GRIK1: variants seen among roughly 807,000 people sequenced by gnomAD.
The protein encoded by GRIK1 is glutamate ionotropic receptor kainate type subunit 1.
Under a neutral mutation model 105.7 loss-of-function variants are expected in GRIK1, and 69 were observed. The ratio of observed to expected loss-of-function variants is 0.65; its 90% CI spans 0.54 to 0.80. GRIK1 has a LOEUF of 0.80. GRIK1 is among the 30% of genes least tolerant of loss of function. The probability of loss-of-function intolerance (pLI) is 0.00; values close to 1 mark genes in which losing one functional copy is unlikely to be tolerated. For synonymous variants in GRIK1, 438 were observed against 431.3 expected (o/e 1.02, Z -0.19); for missense variants, 1,109 against 1,167.3 (o/e 0.95, Z 0.73).
intron 1 of GRIK1, among the ~76,000 whole-genome samples, chr21:29,851,244 A>C (rs7277213): frequency 0.32 from 48,683 of 151,866 alleles, 8,469 homozygotes; most frequent in East Asian, 0.46. Context: ...TGGTAGAGTC[A>C]GGGTTTCACC....
intron 6 of GRIK1, among the ~76,000 whole-genome samples, chr21:29,649,665 C>CTGTTTTGTCAGCTCAGTATAAT (rs1224158006): frequency 2.0e-5 from 3 of 152,218 alleles, no homozygotes; most frequent in Non-Finnish European, 4.4e-5. Flanking sequence ...TATGTACAAA[C>CTGTTTTGTCAGCTCAGTATAAT]TGTTTTGTCA....
At chr21:29,756,962 A>G (rs1024040271) in intron 1 of GRIK1, among the ~76,000 whole-genome samples, 48 of 151,938 alleles carry the variant, frequency 3.2e-4, no homozygotes, top group Non-Finnish European at 5.4e-4. Context: ...AAAAACATAC[A>G]AAAAATTAGC....
intron 1 of GRIK1, among the ~76,000 whole-genome samples, chr21:29,822,573 A>G (rs1035522278): frequency 1.6e-4 from 25 of 152,052 alleles, no homozygotes; most frequent in African/African-American, 5.8e-4. Context: ...GTTCTGGCCA[A>G]TGAGAAATAA....
intron 1 of GRIK1, among the ~76,000 whole-genome samples, chr21:29,862,060 C>T (rs1437848109): frequency 6.6e-6 from 1 of 152,052 alleles, no homozygotes; most frequent in African/African-American, 2.4e-5. Flanking sequence ...GATCATGGCT[C>T]ACTGAAACCT....
chr21:29,756,648 C>G (rs2065349129), intron 1 of GRIK1, among the ~76,000 whole-genome samples: 1 of 151,572 alleles, frequency 6.6e-6, no homozygotes, highest in African/African-American at 2.4e-5. Context: ...AACTTGTTTC[C>G]TGGCATTCAA....
intron 14 of GRIK1, among the ~76,000 whole-genome samples, chr21:29,570,607 A>G (rs1272064112): frequency 6.6e-6 from 1 of 152,220 alleles, no homozygotes; most frequent in Non-Finnish European, 1.5e-5. Flanking sequence ...CGATCGCCTC[A>G]TATTCAGAGA....
chr21:29,537,043 G>T lies in GRIK1; in HGVS notation c.*187C>A. 1 of 379,866 alleles carries T rather than the reference G, an allele frequency of 2.6e-6. No homozygotes were observed. Among genetic ancestry groups the T allele is most frequent in the Non-Finnish European group, 4.7e-6 (1 of 212,210 alleles). The allele number at this position is 379,866 out of a possible 1,614,324, so 23.5% of individuals were successfully genotyped here. A position where few individuals can be genotyped will look rare whatever the true frequency, so the allele number is the denominator to read the frequency against. ...TTGAGCATACAAATTTATTTTAAAA[G>T]AACTGGTGTCACTTCCCAAGTCATA... is the stretch of plus-strand genomic sequence containing the variant. On this transcript the variant is annotated 3_prime_UTR_variant, in exon 18 of 18. Transcript: ENST00000327783.
At chr21:29,834,664 C>T (rs1439621333) in intron 1 of GRIK1, among the ~76,000 whole-genome samples, 1 of 151,222 alleles carries the variant, frequency 6.6e-6, no homozygotes, top group Non-Finnish European at 1.5e-5. Flanking sequence ...TAATATATAA[C>T]ATAGCAATAA....
chr21:29,937,223 G>A (rs893202869), intron 1 of GRIK1, among the ~76,000 whole-genome samples: 4 of 152,170 alleles, frequency 2.6e-5, no homozygotes, highest in African/African-American at 9.7e-5. Context: ...GGTAAAGCTG[G>A]TTTCCACAGT....
At chr21:29,699,148 G>A (rs935823219) in intron 1 of GRIK1, among the ~76,000 whole-genome samples, 1 of 152,154 alleles carries the variant, frequency 6.6e-6, no homozygotes, top group African/African-American at 2.4e-5. Context: ...TAATGCCTGT[G>A]CCTACATTCT....
At chr21:29,653,564 G>T (rs1226147214) in intron 5 of GRIK1, among the ~76,000 whole-genome samples, 1 of 152,196 alleles carries the variant, frequency 6.6e-6, no homozygotes, top group African/African-American at 2.4e-5. Context: ...GCTGGAGGAG[G>T]TAGAAAGTTC....
intron 1 of GRIK1, among the ~76,000 whole-genome samples, chr21:29,842,255 G>A (rs1050602410): frequency 1.3e-5 from 2 of 152,058 alleles, no homozygotes; most frequent in African/African-American, 2.4e-5. Context: ...AACCAGAAAT[G>A]TAATACAGTT....
Position 29,659,193 on chromosome 21 carries a change from C to A in GRIK1, c.727-4330G>T, listed in dbSNP as rs137873498. ...GTTTCAAATATATTTTTCCAGGCAG[C>A]TCCAATTCTTTATAGAATAAAGATA... On this transcript the variant is annotated intron_variant, in intron 4 of 17. Transcript: ENST00000327783. Among the ~76,000 whole-genome samples the A allele has an allele frequency of 5.3e-5, 8 of 152,164 alleles. No homozygotes were observed. In the East Asian group the frequency reaches 1.5e-3, roughly 29 times the overall value.
chr21:29,559,630 A>G (rs779555421), intron 15 of GRIK1, among the ~76,000 whole-genome samples: 7 of 152,362 alleles, frequency 4.6e-5, no homozygotes, highest in Non-Finnish European at 1.0e-4. Context: ...TTCTAACACC[A>G]GGTAGTTAGC....
At chr21:29,741,018 C>A (rs1049795259) in intron 1 of GRIK1, among the ~76,000 whole-genome samples, 3 of 152,206 alleles carry the variant, frequency 2.0e-5, no homozygotes, top group African/African-American at 2.4e-5. Flanking sequence ...TCTCAGAAAG[C>A]CTTTCTGTAC....
intron 1 of GRIK1, among the ~76,000 whole-genome samples, chr21:29,865,897 C>G (rs1201383665): frequency 1.3e-5 from 2 of 152,170 alleles, no homozygotes; most frequent in Admixed American, 6.5e-5. Flanking sequence ...GTGACGATGG[C>G]AAAAGCCACA....
chr21:29,632,373 G>A (rs1334535057), intron 7 of GRIK1, among the ~76,000 whole-genome samples: 4 of 151,752 alleles, frequency 2.6e-5, no homozygotes, highest in Non-Finnish European at 5.9e-5. Flanking sequence ...AAATACTTTT[G>A]GAATGGATTA....
chr21:29,730,013 T>C (rs1040734906), intron 1 of GRIK1, among the ~76,000 whole-genome samples: 25 of 152,172 alleles, frequency 1.6e-4, no homozygotes, highest in Non-Finnish European at 4.4e-5. Context: ...ATAGCAAACA[T>C]GTCATAATCA....
intron 6 of GRIK1, among the ~76,000 whole-genome samples, chr21:29,644,404 C>T (rs954510208): frequency 1.3e-5 from 2 of 152,094 alleles, no homozygotes; most frequent in African/African-American, 2.4e-5. Context: ...GTTGTTTAAA[C>T]ATGTTCACTG....
Sources: gnomAD v4.1 joint callset for allele counts (sites outside exome capture counted in the v4.1 genomes callset) on GRCh38, gnomAD v4.1.1 for gene constraint, MANE v1.5 for transcripts, NCBI Gene and HGNC (gene_info 2026-07-23, HGNC 2026-07-21) for gene names.